SLC35F1: variants seen among roughly 807,000 people sequenced by gnomAD.
SLC35F1 encodes the protein solute carrier family 35 member F1.
A neutral mutation model predicts 48.7 loss-of-function variants in SLC35F1; 14 were observed. That is an observed-to-expected ratio of 0.29 (90% CI 0.19 to 0.45). The LOEUF (loss-of-function observed/expected upper bound fraction) is 0.45, where lower values mean the gene tolerates loss of function less well. SLC35F1 is among the 20% of genes least tolerant of loss of function. The pLI, the probability that SLC35F1 is intolerant of heterozygous loss-of-function variation, is 1.00. For synonymous variants in SLC35F1, 190 were observed against 202.2 expected (o/e 0.94, Z 0.51); for missense variants, 404 against 500.0 (o/e 0.81, Z 1.83).
intron 1 of SLC35F1, among the ~76,000 whole-genome samples, chr6:117,935,745 G>C (rs1037970262): frequency 6.6e-6 from 1 of 152,142 alleles, no homozygotes; most frequent in South Asian, 2.1e-4. Flanking sequence ...CTTATAGTAC[G>C]AGAGCTAAAA....
chr6:117,960,195 T>C (rs990847150), intron 1 of SLC35F1, among the ~76,000 whole-genome samples: 1 of 151,816 alleles, frequency 6.6e-6, no homozygotes, highest in Non-Finnish European at 1.5e-5. Flanking sequence ...ACTATCTATG[T>C]TTGCTTCTTT....
chr6:118,275,650 G>T (rs1197494784), intron 5 of SLC35F1, 35 bp downstream of exon 5: 6 of 1,600,432 alleles, frequency 3.7e-6, no homozygotes, highest in Non-Finnish European at 5.1e-6. Flanking sequence ...AGATAGTAGA[G>T]GGACTGTCAA....
At chr6:117,967,220 G>A (rs1045046698) in intron 1 of SLC35F1, among the ~76,000 whole-genome samples, 1 of 151,696 alleles carries the variant, frequency 6.6e-6, no homozygotes, top group Admixed American at 6.6e-5. Flanking sequence ...AGAATGAAAG[G>A]AAAAATTAAC....
At chr6:118,021,046 T>C (rs1777387351) in intron 1 of SLC35F1, among the ~76,000 whole-genome samples, 2 of 152,140 alleles carry the variant, frequency 1.3e-5, no homozygotes, top group Admixed American at 1.3e-4. Flanking sequence ...GAAGTTTGTT[T>C]AGAAGATTAG....
At chr6:118,261,726 T>C (rs1775714766) in intron 3 of SLC35F1, among the ~76,000 whole-genome samples, 1 of 152,144 alleles carries the variant, frequency 6.6e-6, no homozygotes, top group Non-Finnish European at 1.5e-5. Flanking sequence ...CCCTTGGATA[T>C]TGAAGGGAGG....
At chr6:118,226,852 T>C (rs962083628) in intron 2 of SLC35F1, among the ~76,000 whole-genome samples, 1 of 152,156 alleles carries the variant, frequency 6.6e-6, no homozygotes, top group African/African-American at 2.4e-5. Flanking sequence ...AGAGAACAAA[T>C]GTTCCTAGCA....
At chr6:118,263,864 G>A (rs527786307) in intron 3 of SLC35F1, among the ~76,000 whole-genome samples, 1 of 152,176 alleles carries the variant, frequency 6.6e-6, no homozygotes. Flanking sequence ...CACTAAAAAA[G>A]AATAGCCTGT....
chr6:118,139,388 A>T (rs1371434070), intron 1 of SLC35F1, among the ~76,000 whole-genome samples: 2 of 152,216 alleles, frequency 1.3e-5, no homozygotes, highest in African/African-American at 4.8e-5. Flanking sequence ...CTGGGATTAC[A>T]GGCGTGAGCC....
At chr6:118,113,619 A>G (rs1280812137) in intron 1 of SLC35F1, among the ~76,000 whole-genome samples, 1 of 152,236 alleles carries the variant, frequency 6.6e-6, no homozygotes, top group Admixed American at 6.5e-5. Context: ...ATCAAAAGAA[A>G]GCTGGATCAA....
At chr6:118,191,373 T>C (rs1160048814) in intron 2 of SLC35F1, among the ~76,000 whole-genome samples, 3 of 152,184 alleles carry the variant, frequency 2.0e-5, no homozygotes, top group South Asian at 2.1e-4. Context: ...CTATTGTTCA[T>C]AGAGGCATAA....
At chr6:118,144,570 T>A (rs11756835) in intron 1 of SLC35F1, among the ~76,000 whole-genome samples, 113,038 of 148,220 alleles carry the variant, frequency 0.76, 43,169 homozygotes, top group South Asian at 0.83. Context: ...CACATCCTAC[T>A]CATGTATCCC....
intron 1 of SLC35F1, among the ~76,000 whole-genome samples, chr6:118,087,860 C>G (rs1773014640): frequency 6.6e-6 from 1 of 152,124 alleles, no homozygotes; most frequent in African/African-American, 2.4e-5. Context: ...AGATAGTGAG[C>G]ACCTTTAGAA....
At chr6:118,306,784 A>G (rs543945229) in intron 7 of SLC35F1, among the ~76,000 whole-genome samples, 1 of 152,338 alleles carries the variant, frequency 6.6e-6, no homozygotes, top group South Asian at 2.1e-4. Context: ...AAGGATTTCT[A>G]TCAGTTCATC....
At chr6:118,240,821 G>A (rs9385038) in intron 3 of SLC35F1, among the ~76,000 whole-genome samples, 44,268 of 152,038 alleles carry the variant, frequency 0.29, 7,830 homozygotes, top group East Asian at 0.67. Context: ...GCAAGGATGA[G>A]GTTCCGAGCA....
intron 1 of SLC35F1, among the ~76,000 whole-genome samples, chr6:118,016,607 C>G (rs1307538283): frequency 6.6e-6 from 1 of 152,098 alleles, no homozygotes; most frequent in Non-Finnish European, 1.5e-5. Context: ...ATTCTTTGTT[C>G]AGGAACTTTT....
intron 1 of SLC35F1, among the ~76,000 whole-genome samples, chr6:117,932,109 A>T (rs1776108988): frequency 6.6e-6 from 1 of 152,178 alleles, no homozygotes; most frequent in Non-Finnish European, 1.5e-5. Context: ...ATGAGGACAC[A>T]GTGTTCATCT....
At chr6:118,167,301 A>G (rs1247071504) in intron 2 of SLC35F1, among the ~76,000 whole-genome samples, 1 of 152,186 alleles carries the variant, frequency 6.6e-6, no homozygotes, top group Non-Finnish European at 1.5e-5. Context: ...ATTTACAGTC[A>G]TGCCTCACTT....
intron 1 of SLC35F1, among the ~76,000 whole-genome samples, chr6:118,129,509 G>C (rs1014875091): frequency 6.6e-6 from 1 of 152,152 alleles, no homozygotes; most frequent in South Asian, 2.1e-4. Context: ...AGATTGAAGG[G>C]GGACCCTGAT....
chr6:117,974,925 T>G (rs1475355963), intron 1 of SLC35F1, among the ~76,000 whole-genome samples: 1 of 152,240 alleles, frequency 6.6e-6, no homozygotes, highest in Non-Finnish European at 1.5e-5. Flanking sequence ...TTGCAAAACT[T>G]GCATTGTATA....
Sources: allele counts gnomAD v4.1 joint callset (sites outside exome capture counted in the v4.1 genomes callset), GRCh38; gene constraint gnomAD v4.1.1; transcripts MANE v1.5; gene names NCBI Gene and HGNC (gene_info 2026-07-23, HGNC 2026-07-21).